TMEM230: variants seen among roughly 807,000 people sequenced by gnomAD.
TMEM230 encodes the protein UPF0414 transmembrane protein C20orf30.
In TMEM230, 10 loss-of-function variants were observed where a neutral mutation model predicts 15.8. The ratio of observed to expected loss-of-function variants is 0.63; its 90% confidence interval spans 0.39 to 1.07. The LOEUF is 1.07. TMEM230 is among the 50% of genes least tolerant of loss of function. The pLI is 0.01. For synonymous variants in TMEM230, 67 were observed against 76.9 expected, an observed-to-expected ratio of 0.87 and a Z score of 0.68; for missense variants, 165 against 193.3, an observed-to-expected ratio of 0.85 and a Z score of 0.87.
At chr20:5,104,344 G>A (rs1216917411) in intron 4 of TMEM230, among the ~76,000 whole-genome samples, 1 of 152,192 alleles carries the variant, frequency 6.6e-6, no homozygotes, top group Non-Finnish European at 1.5e-5. Flanking sequence ...ACAGGCGTGA[G>A]CCACTGCACC....
chr20:5,110,443 C>A (rs2090267596), intron 2 of TMEM230, among the ~76,000 whole-genome samples: 1 of 152,080 alleles, frequency 6.6e-6, no homozygotes, highest in Non-Finnish European at 1.5e-5. Flanking sequence ...TGCCACCACG[C>A]CTGGCTAATT....
chr20:5,107,520 A>T (rs1306845502), intron 3 of TMEM230, among the ~76,000 whole-genome samples: 1 of 152,240 alleles, frequency 6.6e-6, no homozygotes, highest in Admixed American at 6.5e-5. Flanking sequence ...ATTGTATCAT[A>T]AGAAACTTTT....
chr20:5,108,426 A>C (rs1039854779), intron 3 of TMEM230, among the ~76,000 whole-genome samples: 4 of 151,978 alleles, frequency 2.6e-5, no homozygotes, highest in East Asian at 1.9e-4. Flanking sequence ...TCTCCAAAAA[A>C]AAAAAAAAAA....
At chr20:5,105,196 G>C (rs1478787319) in intron 4 of TMEM230, among the ~76,000 whole-genome samples, 4 of 152,146 alleles carry the variant, frequency 2.6e-5, no homozygotes, top group African/African-American at 9.7e-5. Flanking sequence ...TGAGGCAGGA[G>C]AATCACTTGA....
chr20:5,066,596 CG>C (rs372631971), downstream of TMEM230, among the ~76,000 whole-genome samples: 7 of 148,796 alleles, frequency 4.7e-5, no homozygotes, highest in African/African-American at 1.5e-4. Flanking sequence ...AGCTTGAACC[CG>C]GGGGGCAGAG....
chr20:5,069,238 T>G (rs1455941636), exon 4 of TMEM230: 1 of 1,536,036 alleles, frequency 6.5e-7, no homozygotes, highest in Non-Finnish European at 8.7e-7. Flanking sequence ...AGCCTTGAGC[T>G]GAGTCCTCCT....
downstream of TMEM230, chr20:5,066,232 C>G (rs1277138544): frequency 6.6e-6 from 1 of 152,254 alleles, no homozygotes; most frequent in Non-Finnish European, 1.5e-5. Context: ...TCTCTGCCAG[C>G]TGGTCAGGGT....
chr20:5,061,560 T>A, the TMEM230 span, among the ~76,000 whole-genome samples: 6 of 152,206 alleles, frequency 3.9e-5, 1 homozygote, highest in African/African-American at 1.4e-4. Flanking sequence ...GTCCTCCCTA[T>A]TTCAGAGGCA....
intron 4 of TMEM230, among the ~76,000 whole-genome samples, chr20:5,105,722 C>A (rs988278655): frequency 6.6e-6 from 1 of 151,964 alleles, no homozygotes; most frequent in East Asian, 1.9e-4. Flanking sequence ...AGTATATACA[C>A]CTACTATGTA....
At chr20:5,059,911 C>CTGTGATTA in the TMEM230 span, among the ~76,000 whole-genome samples, 59,211 of 151,110 alleles carry the variant, frequency 0.39, 11,900 homozygotes, top group African/African-American at 0.43. Flanking sequence ...TCCTGAGTAG[C>CTGTGATTA]CAGGCAACCA....
intron 4 of TMEM230, among the ~76,000 whole-genome samples, chr20:5,102,869 C>T (rs918437319): frequency 6.6e-6 from 1 of 151,934 alleles, no homozygotes; most frequent in African/African-American, 2.4e-5. Flanking sequence ...TGCAAAAATC[C>T]TCAATAAGGA....
chr20:5,081,890 T>C (rs1175213036), intron 3 of TMEM230, among the ~76,000 whole-genome samples: 1 of 145,846 alleles, frequency 6.9e-6, no homozygotes, highest in East Asian at 2.0e-4. Context: ...TTTTTTTTTT[T>C]TTAGACAGAG....
downstream of TMEM230, among the ~76,000 whole-genome samples, chr20:5,098,684 TG>T (rs1913171893): frequency 6.6e-6 from 1 of 152,152 alleles, no homozygotes; most frequent in African/African-American, 2.4e-5. Flanking sequence ...GGAAGTTGGT[TG>T]ATTTCTGCTC....
chr20:5,108,953 G>A lies in TMEM230; in HGVS notation c.288+379C>T, dbSNP rs200757667. Among the ~76,000 whole-genome samples the A allele has an allele frequency of 2.6e-5, 4 of 152,078 alleles. No homozygotes were observed. In the East Asian group the frequency reaches 7.7e-4, roughly 29 times the overall value. ...AAGGTGAACGGGCTTTGACTAAAGT[G>A]TAAATAAACAGTGATAAAAAAAATT... On this transcript the variant is annotated intron_variant, in intron 3 of 4. Transcript: ENST00000342308.
chr20:5,075,704 G>A (rs1311874520), intron 3 of TMEM230, among the ~76,000 whole-genome samples: 1 of 151,818 alleles, frequency 6.6e-6, no homozygotes, highest in African/African-American at 2.4e-5. Flanking sequence ...CAGCCTGGGC[G>A]AAAGAGAGAA....
the TMEM230 span, among the ~76,000 whole-genome samples, chr20:5,060,274 T>C: frequency 6.6e-6 from 1 of 151,878 alleles, no homozygotes; most frequent in South Asian, 2.1e-4. Flanking sequence ...CCAAATAATA[T>C]AGGTTCTTCT....
chr20:5,066,751 G>A (rs1045807464), downstream of TMEM230, among the ~76,000 whole-genome samples: 1 of 151,854 alleles, frequency 6.6e-6, no homozygotes, highest in Non-Finnish European at 1.5e-5. Flanking sequence ...GATTAACGAG[G>A]TCACACCTTG....
chr20:5,093,960 T>C (rs1314403395), intron 3 of TMEM230, among the ~76,000 whole-genome samples: 1 of 151,408 alleles, frequency 6.6e-6, no homozygotes, highest in African/African-American at 2.4e-5. Context: ...TTTTTTCCCC[T>C]TTTTCCTTTG....
chr20:5,112,937 C>A (rs754075346), intron 1 of TMEM230, 24 bp downstream of exon 1: 19 of 1,549,696 alleles, frequency 1.2e-5, no homozygotes, highest in Non-Finnish European at 1.6e-5. Context: ...GTTCTGTCCC[C>A]GCCCTGCCGC....
Sources: allele counts gnomAD v4.1 joint callset (sites outside exome capture counted in the v4.1 genomes callset), GRCh38; gene constraint gnomAD v4.1.1; transcripts MANE v1.5; gene names NCBI Gene and HGNC (gene_info 2026-07-23, HGNC 2026-07-21).